The following BFSP1 variants were observed in gnomAD, a reference collection of about 807,000 sequenced individuals.
The protein encoded by BFSP1 is filensin.
Under a neutral mutation model 43.9 loss-of-function variants are expected in BFSP1, and 38 were observed. The ratio of observed to expected loss-of-function variants is 0.87; its 90% CI spans 0.67 to 1.14. The LOEUF (loss-of-function observed/expected upper bound fraction) is 1.14, where lower values mean the gene tolerates loss of function less well. BFSP1 is among the 50% of genes most tolerant of loss of function. BFSP1 has a pLI of 0.00. For synonymous variants in BFSP1, 352 were observed against 354.8 expected, an observed-to-expected ratio of 0.99 and a Z score of 0.09; for missense variants, 850 against 875.1, an observed-to-expected ratio of 0.97 and a Z score of 0.36.
At position 17,531,154 on chromosome 20, in the gene BFSP1, C is replaced by T. The variant is rs2034527534; in HGVS notation, c.176G>A (p.Arg59His). 5 of 1,305,276 alleles carry T rather than the reference C, an allele frequency of 3.8e-6. No individual in the cohort carries two copies. Among genetic ancestry groups the T allele is most frequent in the East Asian group, 3.2e-5 (1 of 31,206 alleles). The allele number at this position is 1,305,276 out of a possible 1,614,324, so 80.9% of individuals were successfully genotyped here. A position where few individuals can be genotyped will look rare whatever the true frequency, so the allele number is the denominator to read the frequency against. The change falls in exon 1 of 8, where the codon CGC (arginine) becomes CAC (histidine). Residue 59 changes from arginine to histidine, a missense_variant. Coordinates refer to ENST00000377873, the MANE Select transcript of BFSP1 (RefSeq NM_001195.5). ...CCCGGCATGGCGCTGCTCGAGGGCG[C>T]GGGCCCGCTGGACGTGGGCGGCCAC... is the stretch of plus-strand genomic sequence containing the variant. Reference protein sequence around the residue: ...ERVAAHVQRARALEQRHAGLR... With the variant: ...ERVAAHVQRAHALEQRHAGLR...
chr20:17,509,219 T>C (rs2034017023), intron 4 of BFSP1, among the ~76,000 whole-genome samples: 1 of 152,104 alleles, frequency 6.6e-6, no homozygotes, highest in Non-Finnish European at 1.5e-5. Context: ...AGGGTCTTTG[T>C]AAGAACAAGA....
intron 5 of BFSP1, among the ~76,000 whole-genome samples, chr20:17,499,323 A>G (rs2033735978): frequency 6.8e-6 from 1 of 146,200 alleles, no homozygotes; most frequent in Admixed American, 7.0e-5. Flanking sequence ...GGCTCACTGC[A>G]TCCTCGACCT....
chr20:17,541,090 TGAGGCGGGAGGATCACTG>T (rs1568711041), intron 1 of BFSP1: 4 of 186,144 alleles, frequency 2.1e-5, no homozygotes, highest in Non-Finnish European at 4.0e-5. Context: ...CTTGAGAGGC[TGAGGCGGGAGGATCACTG>T]GAGACCGGGA....
At chr20:17,501,731 G>A (rs1401410924) in intron 5 of BFSP1, among the ~76,000 whole-genome samples, 1 of 152,192 alleles carries the variant, frequency 6.6e-6, no homozygotes, top group African/African-American at 2.4e-5. Flanking sequence ...TGTGTCTGAT[G>A]TCAGCCCCAC....
At chr20:17,531,674 G>C (rs2034544833), upstream of BFSP1, among the ~76,000 whole-genome samples, 1 of 152,198 alleles carries the variant, frequency 6.6e-6, no homozygotes, top group Admixed American at 6.5e-5. Context: ...TTCCACTGGG[G>C]ACTGTGAAGG....
At chr20:17,541,252 A>G (rs1568711171) in intron 1 of BFSP1, 1 of 982,660 alleles carries the variant, frequency 1.0e-6, no homozygotes, top group Non-Finnish European at 1.2e-6. Flanking sequence ...GAAATAAAAG[A>G]TAAAGTTTTT....
chr20:17,555,288 CAAAAAAAAAAAAA>C (rs929219257), intron 1 of BFSP1, among the ~76,000 whole-genome samples: 10 of 44,102 alleles, frequency 2.3e-4, no homozygotes, highest in Non-Finnish European at 4.0e-4. Context: ...TCCTATCTCA[CAAAAAAAAAAAAA>C]AAAAAAAAAA....
At chr20:17,553,233 T>A (rs74629087) in intron 1 of BFSP1, among the ~76,000 whole-genome samples, 2,800 of 152,170 alleles carry the variant, frequency 0.018, 40 homozygotes, top group South Asian at 0.03. Flanking sequence ...GACTAAGAAT[T>A]GGCCATTGGA....
Position 17,531,147 on chromosome 20 carries a change from G to A in BFSP1, c.183C>T (p.Leu61=), listed in dbSNP as rs545346553. 2.1e-4 allele frequency: 282 copies of A among 1,315,158 alleles called. 2 individuals carry two copies. In the East Asian group the frequency reaches 8.4e-3, roughly 39 times the overall value. The allele number at this position is 1,315,158 out of a possible 1,614,324, so 81.5% of individuals were successfully genotyped here. The change falls in exon 1 of 8, where the codon CTC becomes CTT. Residue 61 remains leucine, a synonymous_variant. Transcript: ENST00000377873. ...VAAHVQRARA[L]EQRHAGLRRQ... ...TCCGGAGCCCGGCATGGCGCTGCTC[G>A]AGGGCGCGGGCCCGCTGGACGTGGG...
At chr20:17,541,673 C>T (rs1407092758) in intron 1 of BFSP1, among the ~76,000 whole-genome samples, 1 of 152,222 alleles carries the variant, frequency 6.6e-6, no homozygotes, top group Non-Finnish European at 1.5e-5. Flanking sequence ...AATGAAGACA[C>T]TTCCCAGGCA....
intron 5 of BFSP1, among the ~76,000 whole-genome samples, chr20:17,504,233 G>A (rs2269044): frequency 0.21 from 31,569 of 152,130 alleles, 3,731 homozygotes; most frequent in Middle Eastern, 0.31. Context: ...GATGCTCTAC[G>A]GGATTCTGCT....
intron 1 of BFSP1, among the ~76,000 whole-genome samples, chr20:17,547,897 A>ATTTTTTTTTTT (rs71192391): frequency 0.012 from 1,177 of 101,628 alleles, no homozygotes; most frequent in Non-Finnish European, 0.015. Flanking sequence ...TGCCCGGCCA[A>ATTTTTTTTTTT]TTTTTTTTTT....
intron 1 of BFSP1, among the ~76,000 whole-genome samples, chr20:17,539,541 AT>A (rs1470332928): frequency 6.6e-6 from 1 of 152,032 alleles, no homozygotes; most frequent in Non-Finnish European, 1.5e-5. Context: ...GAGCACAGGA[AT>A]TTGAAACCAG....
intron 6 of BFSP1, among the ~76,000 whole-genome samples, chr20:17,498,375 T>C (rs2033706746): frequency 6.6e-6 from 1 of 152,152 alleles, no homozygotes; most frequent in African/African-American, 2.4e-5. Flanking sequence ...TGCTAAGAAT[T>C]GTGAGGATGG....
intron 6 of BFSP1, among the ~76,000 whole-genome samples, chr20:17,497,566 GTATA>G (rs573872557): frequency 0.63 from 74,009 of 118,044 alleles, 20,007 homozygotes; most frequent in African/African-American, 0.74. Context: ...ATATGTGTGT[GTATA>G]TGTATATATA....
chr20:17,531,196 TG>T lies in BFSP1; in HGVS notation c.133del (p.Gln45ArgfsTer93). ...WAGATSLAAL[Q>X]GLGERVAAHV... ...GGCGGCCACGCGCTCGCCGAGCCCC[TG>T]CAGCGCCGCCAGGCTCGTTGCCCCA... On this transcript the variant is annotated frameshift_variant, in exon 1 of 8. Transcript: ENST00000377873. LOFTEE classifies it high-confidence loss of function. 1 of 1,307,896 alleles carries T rather than the reference TG, an allele frequency of 7.6e-7. No homozygotes were observed. The highest frequency in any genetic ancestry group is 9.7e-7 in the Non-Finnish European group (1 of 1,029,688). 81.0% of individuals were successfully genotyped at this position (1,307,896 alleles called of 1,614,324 possible). A position where few individuals can be genotyped will look rare whatever the true frequency, so the allele number is the denominator to read the frequency against.
intron 7 of BFSP1, 63 bp downstream of exon 7, chr20:17,496,875 A>C: frequency 7.4e-7 from 1 of 1,356,284 alleles, no homozygotes; most frequent in Non-Finnish European, 1.0e-6. Flanking sequence ...AAAGTCAGGA[A>C]GAGAGCCGCT....
intron 1 of BFSP1, among the ~76,000 whole-genome samples, chr20:17,549,750 C>A (rs1167781581): frequency 6.6e-6 from 1 of 152,186 alleles, no homozygotes; most frequent in East Asian, 1.9e-4. Flanking sequence ...GCACAAGAAT[C>A]ACTTAAACCC....
rs6105762 is a variant in BFSP1 at position 17,494,045 on chromosome 20, T to G, written c.*29A>C. On this transcript the variant is annotated 3_prime_UTR_variant, in exon 8 of 8. Transcript: ENST00000377873. The stretch of plus-strand genomic sequence containing the variant: ...GCATTACCCCTACAGTGGCCCCAAA[T>G]ACATTTTATCCCATCAAGCCTGGGC... The G allele has an allele frequency of 0.52, 810,612 of 1,560,820 alleles. 211,766 individuals are homozygous for G. Among genetic ancestry groups the G allele is most frequent in the South Asian group, 0.56 (47,332 of 84,578 alleles).
Sources: allele counts gnomAD v4.1 joint callset (sites outside exome capture counted in the v4.1 genomes callset), GRCh38; gene constraint gnomAD v4.1.1; transcripts MANE v1.5; gene names NCBI Gene and HGNC (gene_info 2026-07-23, HGNC 2026-07-21).